CACNG7: variants seen among roughly 807,000 people sequenced by gnomAD.
CACNG7 encodes calcium voltage-gated channel auxiliary subunit gamma 7, also known as voltage-dependent calcium channel gamma-7 subunit.
CACNG7 carries 9 observed loss-of-function variants against 26.3 expected under a neutral mutation model. The ratio of observed to expected loss-of-function variants is 0.34; its 90% CI spans 0.21 to 0.60. The LOEUF (loss-of-function observed/expected upper bound fraction) is 0.60, where lower values mean the gene tolerates loss of function less well. Among genes scored for constraint, CACNG7 ranks in the 20% least tolerant of loss-of-function variants. The pLI, the probability that CACNG7 is intolerant of heterozygous loss-of-function variation, is 0.81. For missense variants in CACNG7, 297 were observed against 380.4 expected (o/e 0.78, Z 1.82); for synonymous variants, 170 against 157.0 (o/e 1.08, Z -0.62).
chr19:53,921,006 T>C (rs957230164), intron 4 of CACNG7, among the ~76,000 whole-genome samples: 4 of 78,898 alleles, frequency 5.1e-5, no homozygotes, highest in African/African-American at 8.5e-5. Flanking sequence ...AGGCTGGTCA[T>C]TGGTGGAGTT....
At chr19:53,915,228 G>A in intron 3 of CACNG7, 137 bp from the exon 4 acceptor site, 1 of 645,206 alleles carries the variant, frequency 1.5e-6, no homozygotes, top group South Asian at 1.8e-5. Flanking sequence ...AGAGTCAGTG[G>A]GGAAGGGGAG....
At chr19:53,941,956 C>T in intron 5 of CACNG7, 80 bp from the exon 6 acceptor site, 1 of 1,463,790 alleles carries the variant, frequency 6.8e-7, no homozygotes, top group South Asian at 1.4e-5. Context: ...GACTCTGAGT[C>T]CTGGAGTGAG....
At position 53,922,240 on chromosome 19, in the gene CACNG7, TC is replaced by T. The variant is rs201996410; in HGVS notation, c.424+6736del. On this transcript the variant is annotated intron_variant, in intron 4 of 5. Transcript: ENST00000391767. ...TTGGTGGAGTTGTCCCCAGGTCTGG[TC>T]ATTGGTGGAGTTGTCCCCAGGTCTG... Among the ~76,000 whole-genome samples the T allele has an allele frequency of 1.4e-3, 118 of 86,952 alleles. 1 individual carries two copies. Among genetic ancestry groups the T allele is most frequent in the African/African-American group, 5.7e-3 (92 of 16,222 alleles). 57.0% of individuals were successfully genotyped at this position (86,952 alleles called of 152,430 possible).
chr19:53,914,633 C>T, intron 3 of CACNG7, 47 bp downstream of exon 3: 1 of 1,550,896 alleles, frequency 6.4e-7, no homozygotes, highest in Non-Finnish European at 8.9e-7. Context: ...AAGATCACAG[C>T]CGAGTCGTGG....
rs2068891382 is a variant in CACNG7, at chr19:53,915,522, G to T, written c.424+17G>T. 1 of 1,613,104 alleles carries T rather than the reference G, an allele frequency of 6.2e-7. No homozygotes were observed. Among genetic ancestry groups the T allele is most frequent in the Non-Finnish European group, 8.5e-7 (1 of 1,179,292 alleles). Reference sequence around the variant, plus strand: ...TACTATCGGGTGAGCCTAAGGACTTGGGGGTTGGGGGGGACCATTTCCAGT... The same window carrying T: ...TACTATCGGGTGAGCCTAAGGACTTTGGGGTTGGGGGGGACCATTTCCAGT... On this transcript the variant is annotated intron_variant, in intron 4 of 5. Transcript: ENST00000391767.
intron 4 of CACNG7, among the ~76,000 whole-genome samples, chr19:53,927,299 A>G (rs921491526): frequency 1.3e-5 from 2 of 152,142 alleles, no homozygotes; most frequent in African/African-American, 4.8e-5. Flanking sequence ...GCAAACTGAA[A>G]TATTTCCAGA....
intron 4 of CACNG7, among the ~76,000 whole-genome samples, chr19:53,923,663 TCTGGTCATTGGTGGAGTTGTCCCAGGC>T (rs2068988746): frequency 1.1e-4 from 15 of 132,162 alleles, no homozygotes; most frequent in Non-Finnish European, 1.9e-4. Context: ...TTGCCCCAGG[TCTGGTCATTGGTGGAGTTGTCCCAGGC>T]CTGGTCATTG....
rs1005204409 is a variant in CACNG7, at chr19:53,939,148, C to T, written c.425-2322C>T. Among the ~76,000 whole-genome samples the T allele has an allele frequency of 2.6e-5, 4 of 152,024 alleles. No individual in the cohort carries two copies. Among genetic ancestry groups the T allele is most frequent in the East Asian group, 1.9e-4 (1 of 5,188 alleles). The stretch of plus-strand genomic sequence containing the variant: ...GGCGGGTGCCTGTTAATTCCAGCTA[C>T]GCAGGAGGCTGAGGCAGGAGAATCG... On this transcript the variant is annotated intron_variant, in intron 4 of 5. Coordinates refer to ENST00000391767, the MANE Select transcript of CACNG7 (RefSeq NM_031896.5). The surrounding 1 kb of genome is among the most constrained non-coding windows in gnomAD (Gnocchi z 4.2).
At position 53,936,401 on chromosome 19, in the gene CACNG7, A is replaced by C. The variant is rs560005272; in HGVS notation, c.425-5069A>C. 2.0e-5 allele frequency among the ~76,000 whole-genome samples: 3 copies of C among 152,234 alleles called. No homozygotes were observed. The South Asian group carries it at 6.2e-4, about 32-fold the overall frequency. On this transcript the variant is annotated intron_variant, in intron 4 of 5. Coordinates refer to ENST00000391767, the MANE Select transcript of CACNG7 (RefSeq NM_031896.5). ...TAATTAATAGATCTTCTGTGGGGAG[A>C]TTCTGTCATCCAGCAATCGAGCATC...
At chr19:53,925,024 GCCTAGGGCTGGTCATTGGTGGAC>G (rs1568778135) in intron 4 of CACNG7, among the ~76,000 whole-genome samples, 1,002 of 93,042 alleles carry the variant, frequency 0.011, 7 homozygotes, top group African/African-American at 0.013. Flanking sequence ...TGGTGGACTT[GCCTAGGGCTGGTCATTGGTGGAC>G]TTGCCCCAGG....
At chr19:53,921,674 T>A (rs1246614171) in intron 4 of CACNG7, among the ~76,000 whole-genome samples, 1 of 105,616 alleles carries the variant, frequency 9.5e-6, no homozygotes, top group Non-Finnish European at 1.8e-5. Context: ...CCAGGTCTGG[T>A]CATTGGTGGA....
chr19:53,912,337 A>G lies in CACNG7; in HGVS notation c.-29-466A>G, dbSNP rs1428951225. On this transcript the variant is annotated intron_variant, in intron 1 of 5. Coordinates refer to ENST00000391767, the MANE Select transcript of CACNG7 (RefSeq NM_031896.5). The surrounding 1 kb of genome is among the most constrained non-coding windows in gnomAD (Gnocchi z 4.6). ...CACTGATCCACACTCAAGGTTAGGGACTCTGGTGGCATCTGATTTCTAAAT... is the reference window on the plus strand; with the variant it reads ...CACTGATCCACACTCAAGGTTAGGGGCTCTGGTGGCATCTGATTTCTAAAT... Among the ~76,000 whole-genome samples, 1 of 151,934 alleles carries G rather than the reference A, an allele frequency of 6.6e-6. No homozygotes were observed. The highest frequency in any genetic ancestry group is 1.5e-5 in the Non-Finnish European group (1 of 67,996).
intron 5 of CACNG7, 40 bp from the exon 6 acceptor site, chr19:53,941,996 A>AG (rs1408231521): frequency 6.5e-7 from 1 of 1,535,858 alleles, no homozygotes; most frequent in Non-Finnish European, 8.8e-7. Flanking sequence ...GGGGATGCGC[A>AG]GGGGGGCGCC....
chr19:53,921,614 T>G (rs74187821), intron 4 of CACNG7, among the ~76,000 whole-genome samples: 1 of 73,850 alleles, frequency 1.4e-5, no homozygotes, highest in African/African-American at 1.0e-4. Context: ...CGTCCCCAGG[T>G]CTGGTCATTG....
intron 4 of CACNG7, among the ~76,000 whole-genome samples, chr19:53,919,013 G>A (rs1430042213): frequency 8.5e-5 from 13 of 152,102 alleles, no homozygotes; most frequent in African/African-American, 1.9e-4. Context: ...CAGGTGATCC[G>A]CCCGCCTCGG....
chr19:53,931,704 A>G (rs964168816), intron 4 of CACNG7, among the ~76,000 whole-genome samples: 12 of 149,806 alleles, frequency 8.0e-5, no homozygotes, highest in Admixed American at 3.3e-4. Flanking sequence ...AAAAAAAAAA[A>G]AAAAGAAAGG....
At chr19:53,931,672 G>C (rs1230896514) in intron 4 of CACNG7, among the ~76,000 whole-genome samples, 1 of 108,584 alleles carries the variant, frequency 9.2e-6, no homozygotes, top group Admixed American at 1.2e-4. Context: ...AGGTGACAGA[G>C]TAAGACTCTG....
chr19:53,911,221 G>A (rs750976409), intron 1 of CACNG7, among the ~76,000 whole-genome samples: 7 of 151,728 alleles, frequency 4.6e-5, no homozygotes, highest in African/African-American at 9.7e-5. Context: ...GTGAGCCACC[G>A]TGCCCGGCTA....
chr19:53,928,361 T>A (rs1568780247), intron 4 of CACNG7, among the ~76,000 whole-genome samples: 1 of 152,068 alleles, frequency 6.6e-6, no homozygotes, highest in East Asian at 1.9e-4. Flanking sequence ...TACCTTTACC[T>A]CTTCGGTTCA....
Sources: allele counts gnomAD v4.1 joint callset (sites outside exome capture counted in the v4.1 genomes callset), GRCh38; gene constraint gnomAD v4.1.1; non-coding constraint Gnocchi (gnomAD v3.1); transcripts MANE v1.5; gene names NCBI Gene and HGNC (gene_info 2026-07-23, HGNC 2026-07-21).